The following WDR35 variants were observed in gnomAD, a reference collection of about 807,000 sequenced individuals.
The protein encoded by WDR35 is WD repeat domain 35.
Under a neutral mutation model 158.3 loss-of-function variants are expected in WDR35, and 118 were observed. The observed-to-expected ratio is 0.75, with a 90% CI of 0.64 to 0.87. WDR35 has a LOEUF of 0.87. Ranked by LOEUF, WDR35 falls within the 40% of genes least tolerant of loss-of-function variation. The pLI, the probability that WDR35 is intolerant of heterozygous loss-of-function variation, is 0.00. For synonymous variants in WDR35, 448 were observed against 476.1 expected (o/e 0.94, Z 0.77); for missense variants, 1,263 against 1,405.8 (o/e 0.90, Z 1.62).
chr2:19,975,587 T>TA lies in WDR35; in HGVS notation c.512dup (p.Leu171PhefsTer15). On this transcript the variant is annotated frameshift_variant, in exon 6 of 27. Coordinates refer to ENST00000281405, the MANE Select transcript of WDR35 (RefSeq NM_020779.4). LOFTEE classifies it high-confidence loss of function. ...TTTCCCCATTTGCCATTCCAAAAAG[T>TA]AAGACTTTACTGTCCGCAGACCATG... is the stretch of plus-strand genomic sequence containing the variant. 6.2e-7 allele frequency: 1 copy of TA among 1,614,076 alleles called. No homozygotes were observed. The highest frequency in any genetic ancestry group is 8.5e-7 in the Non-Finnish European group (1 of 1,179,964).
chr2:19,937,996 C>G, intron 18 of WDR35, 50 bp from the exon 19 acceptor site: 1 of 1,594,028 alleles, frequency 6.3e-7, no homozygotes, highest in Non-Finnish European at 8.6e-7. Flanking sequence ...AAATTACTGA[C>G]AAACTAGTCT....
chr2:19,933,825 C>A (rs1277641518), intron 21 of WDR35, among the ~76,000 whole-genome samples: 1 of 152,124 alleles, frequency 6.6e-6, no homozygotes, highest in African/African-American at 2.4e-5. Context: ...AATCCCCCAC[C>A]AGTGGGTGAA....
At chr2:19,918,608 A>C (rs1213714829) in intron 25 of WDR35, among the ~76,000 whole-genome samples, 1 of 152,202 alleles carries the variant, frequency 6.6e-6, no homozygotes, top group Non-Finnish European at 1.5e-5. Context: ...CTAGTCTCTG[A>C]AAAAACAGAC....
In WDR35 at chr2:19,936,227, T is replaced by G; in HGVS notation, c.2406A>C (p.Arg802=). 6.2e-7 allele frequency: 1 copy of G among 1,613,908 alleles called. No individual in the cohort carries two copies. The highest frequency in any genetic ancestry group is 8.5e-7 in the Non-Finnish European group (1 of 1,179,886). ...CCAGGTAAGTTACATACCACTTTTG[T>G]CGATCAGCAAAGTAGTCTCCAATGG... ...NNAIGDYFAD[R]QKWLNAVQYY... Residue 802 remains arginine (R), a synonymous_variant, in exon 20 of 27, where the codon CGA becomes CGC. Coordinates refer to ENST00000281405, the MANE Select transcript of WDR35 (RefSeq NM_020779.4).
In WDR35 at chr2:19,978,832, G is replaced by A. The variant is rs140308808; in HGVS notation, c.355C>T (p.Arg119Cys). The stretch of plus-strand genomic sequence containing the variant: ...CCGTCAGCATTCCAGCTCATACTGC[G>A]AACAACTGATTTATTTCGATTGTTG... ...MINNRNKSVVRSMSWNADGQK... is the reference protein window; with the variant it reads ...MINNRNKSVVCSMSWNADGQK... The change falls in exon 5 of 27, where the codon CGC becomes TGC. Residue 119 changes from arginine to cysteine, a missense_variant. By Grantham distance (180) the Arg-to-Cys change is radical. Transcript: ENST00000281405. 2.5e-3 allele frequency: 4,072 copies of A among 1,613,756 alleles called. 8 individuals are homozygous for A. The highest frequency in any genetic ancestry group is 3.0e-3 in the Non-Finnish European group (3,504 of 1,179,848).
intron 25 of WDR35, among the ~76,000 whole-genome samples, chr2:19,917,974 G>C (rs763050649): frequency 6.6e-6 from 1 of 152,098 alleles, no homozygotes; most frequent in Non-Finnish European, 1.5e-5. Flanking sequence ...AGGAAAAAAT[G>C]TTAAGGGCAA....
At chr2:19,922,753 G>A (rs1670210167) in intron 25 of WDR35, among the ~76,000 whole-genome samples, 1 of 152,020 alleles carries the variant, frequency 6.6e-6, no homozygotes, top group Admixed American at 6.6e-5. Context: ...TGAATGTTGG[G>A]AACAGGCTCC....
chr2:19,930,735 C>T (rs951585466), intron 24 of WDR35, among the ~76,000 whole-genome samples, 183 bp from the exon 25 acceptor site: 2 of 152,030 alleles, frequency 1.3e-5, no homozygotes, highest in African/African-American at 4.8e-5. Context: ...AATGCAGCTG[C>T]GTGGTCATAG....
intron 13 of WDR35, among the ~76,000 whole-genome samples, chr2:19,950,339 G>A (rs1671196917): frequency 6.6e-6 from 1 of 152,052 alleles, no homozygotes; most frequent in Non-Finnish European, 1.5e-5. Flanking sequence ...ATCAGACTTG[G>A]CAATTCAAAG....
intron 25 of WDR35, 44 bp from the exon 26 acceptor site, chr2:19,914,321 T>C (rs774027602): frequency 1.9e-6 from 3 of 1,610,584 alleles, no homozygotes; most frequent in African/African-American, 1.3e-5. Flanking sequence ...ATAATTATTA[T>C]GATATCATGA....
At chr2:19,946,645 G>A in intron 14 of WDR35, 75 bp from the exon 15 acceptor site, 1 of 1,381,404 alleles carries the variant, frequency 7.2e-7, no homozygotes, top group Non-Finnish European at 1.0e-6. Context: ...TTCTCTATAT[G>A]TCTATACATT....
chr2:19,984,941 T>G (rs999334664), intron 2 of WDR35, among the ~76,000 whole-genome samples: 1 of 152,212 alleles, frequency 6.6e-6, no homozygotes, highest in Non-Finnish European at 1.5e-5. Context: ...CCAGATTCTC[T>G]GGCAGGATCA....
chr2:19,938,454 T>C (rs2103406294), intron 17 of WDR35, 53 bp from the exon 18 acceptor site: 2 of 1,590,064 alleles, frequency 1.3e-6, no homozygotes, highest in Admixed American at 3.5e-5. Context: ...TTAGAGTATG[T>C]GTTTCTTTTT....
In WDR35 at chr2:19,916,777, G is replaced by A. The variant is rs542880511; in HGVS notation, c.3122-2500C>T. ...ACCTCCCTGGGACAAAGCACCTGGG[G>A]AAAGGGGTGGTTATGGGCGCAGCTC... is the stretch of plus-strand genomic sequence containing the variant. On this transcript the variant is annotated intron_variant, in intron 25 of 26. Transcript: ENST00000281405. Among the ~76,000 whole-genome samples the A allele has an allele frequency of 9.0e-4, 137 of 152,316 alleles. 1 individual carries two copies. Among genetic ancestry groups the A allele is most frequent in the African/African-American group, 3.0e-3 (126 of 41,588 alleles).
At chr2:19,988,477 A>C (rs961106667) in intron 2 of WDR35, among the ~76,000 whole-genome samples, 26 of 152,182 alleles carry the variant, frequency 1.7e-4, no homozygotes, top group African/African-American at 5.8e-4. Flanking sequence ...GTTGTAAGGA[A>C]TCCAAAAATG....
rs922878243 is a variant in WDR35 at position 19,910,863 on chromosome 2, T to C, written c.*2695A>G. The C allele has an allele frequency of 7.2e-5, 11 of 152,160 alleles. No individual in the cohort carries two copies. Among genetic ancestry groups the C allele is most frequent in the African/African-American group, 2.2e-4 (9 of 41,430 alleles). The allele number at this position is 152,160 out of a possible 1,614,324, so 9.4% of individuals were successfully genotyped here. A position where few individuals can be genotyped will look rare whatever the true frequency, so the allele number is the denominator to read the frequency against. On this transcript the variant is annotated 3_prime_UTR_variant, in exon 27 of 27. Transcript: ENST00000281405. ...AGACATTATGGCAGATCATTAAAAC[T>C]TTCACAGATATAGATACCAAAGAGG...
At chr2:19,926,367 C>T (rs1169833342) in intron 25 of WDR35, among the ~76,000 whole-genome samples, 2 of 152,324 alleles carry the variant, frequency 1.3e-5, no homozygotes, top group Non-Finnish European at 2.9e-5. Context: ...GCTTCTTATT[C>T]TGGATCAAAA....
At position 19,932,265 on chromosome 2, in the gene WDR35, C is replaced by T. The variant is rs1444570591; in HGVS notation, c.2823+18G>A. Reference sequence around the variant, plus strand: ...GTGACTGGAACAAATCAACTATTCACCAAGATTTTTACATTACCTTAAACA... The same window carrying T: ...GTGACTGGAACAAATCAACTATTCATCAAGATTTTTACATTACCTTAAACA... On this transcript the variant is annotated intron_variant, in intron 23 of 26. Transcript: ENST00000281405. The T allele has an allele frequency of 1.2e-6, 2 of 1,612,738 alleles. No individual in the cohort carries two copies. Among genetic ancestry groups the T allele is most frequent in the South Asian group, 1.1e-5 (1 of 91,020 alleles).
chr2:19,919,634 A>G (rs1181210917), intron 25 of WDR35, among the ~76,000 whole-genome samples: 1 of 152,184 alleles, frequency 6.6e-6, no homozygotes, highest in Non-Finnish European at 1.5e-5. Context: ...GGAAAGCAGG[A>G]AAGATCTAAA....
Sources: allele counts gnomAD v4.1 joint callset (sites outside exome capture counted in the v4.1 genomes callset), GRCh38; gene constraint gnomAD v4.1.1; transcripts MANE v1.5; gene names NCBI Gene and HGNC (gene_info 2026-07-23, HGNC 2026-07-21).